GRM7: variants seen among roughly 807,000 people sequenced by gnomAD.
The protein encoded by GRM7 is metabotropic glutamate receptor 7.
A neutral mutation model predicts 84.5 loss-of-function variants in GRM7; 35 were observed. The ratio of observed to expected loss-of-function variants is 0.41; its 90% CI spans 0.32 to 0.55. The LOEUF is 0.55. Among genes scored for constraint, GRM7 ranks in the 20% least tolerant of loss-of-function variants. GRM7 has a pLI of 0.19. For missense variants in GRM7, 1,003 were observed against 1,194.6 expected (o/e 0.84, Z 2.36); for synonymous variants, 487 against 455.1 (o/e 1.07, Z -0.89).
At chr3:6,894,086 T>C (rs1423274443) in intron 1 of GRM7, 1 of 152,176 alleles carries the variant, frequency 6.6e-6, no homozygotes, top group Non-Finnish European at 1.5e-5. Context: ...TCAACCACTA[T>C]ACATTCCATG....
chr3:7,452,294 G>T (rs911392147), intron 5 of GRM7, among the ~76,000 whole-genome samples: 12 of 152,092 alleles, frequency 7.9e-5, no homozygotes, highest in Non-Finnish European at 1.6e-4. Flanking sequence ...AGCTTTTCAG[G>T]TTCGAATGTG....
At chr3:7,472,288 T>C (rs1157034002) in intron 7 of GRM7, among the ~76,000 whole-genome samples, 3 of 152,148 alleles carry the variant, frequency 2.0e-5, no homozygotes, top group African/African-American at 7.2e-5. Context: ...TATTCCTCTA[T>C]AGAAACATAA....
chr3:7,308,260 C>T (rs1320237768), intron 4 of GRM7, among the ~76,000 whole-genome samples: 1 of 80,918 alleles, frequency 1.2e-5, no homozygotes. Context: ...TTTTGGGGGT[C>T]TCAGATGTTA....
chr3:7,561,028 G>T (rs906450997), intron 7 of GRM7, among the ~76,000 whole-genome samples: 5 of 152,000 alleles, frequency 3.3e-5, no homozygotes, highest in Non-Finnish European at 7.4e-5. Context: ...ATAATCTGTT[G>T]CCTGCCTGTG....
rs962816411 is a variant in GRM7, at chr3:7,331,999, C to G, written c.1033+25347C>G. On this transcript the variant is annotated intron_variant, in intron 4 of 9. Transcript: ENST00000357716. ...AGTGTGACTCAGACTGTGATAGGAT[C>G]AGAAGTAATGGTAGGAAACGGTCAA... 2.0e-5 allele frequency among the ~76,000 whole-genome samples: 3 copies of G among 152,022 alleles called. No individual in the cohort carries two copies. In the East Asian group the frequency reaches 5.8e-4, roughly 29 times the overall value.
At chr3:7,369,667 T>C (rs1043534692) in intron 4 of GRM7, among the ~76,000 whole-genome samples, 4 of 152,120 alleles carry the variant, frequency 2.6e-5, no homozygotes, top group Middle Eastern at 3.2e-3. Context: ...AGAAGAGTCA[T>C]TGTCAATTTA....
rs1694762184 is a variant in GRM7, at chr3:7,572,858, ATATATATATATATATATATAT to A, written c.1516-5563_1516-5543del. 2.4e-4 allele frequency among the ~76,000 whole-genome samples: 14 copies of A among 58,824 alleles called. 2 individuals carry two copies. Among genetic ancestry groups the A allele is most frequent in the Admixed American group, 1.7e-3 (10 of 6,048 alleles). 38.6% of individuals were successfully genotyped at this position (58,824 alleles called of 152,430 possible). A position where few individuals can be genotyped will look rare whatever the true frequency, so the allele number is the denominator to read the frequency against. ...TATATATATATATATATATATATAT[ATATATATATATATATATATAT>A]AAATAATCTTTCTACCTATAATAAT... On this transcript the variant is annotated intron_variant, in intron 7 of 9. Coordinates refer to ENST00000357716, the MANE Select transcript of GRM7 (RefSeq NM_000844.4).
intron 5 of GRM7, among the ~76,000 whole-genome samples, chr3:7,417,049 A>G (rs531925622): frequency 1.4e-4 from 22 of 152,206 alleles, no homozygotes; most frequent in African/African-American, 5.3e-4. Context: ...AGGCTGTTTT[A>G]TGTGGAGCCA....
At chr3:7,445,774 A>G (rs989662459) in intron 5 of GRM7, among the ~76,000 whole-genome samples, 1 of 152,208 alleles carries the variant, frequency 6.6e-6, no homozygotes, top group Non-Finnish European at 1.5e-5. Context: ...AGAGAAATGC[A>G]TACCCTTGAG....
intron 1 of GRM7, among the ~76,000 whole-genome samples, chr3:6,985,616 G>A (rs1158527937): frequency 2.0e-5 from 3 of 152,296 alleles, no homozygotes; most frequent in Non-Finnish European, 2.9e-5. Flanking sequence ...ATAGCCCAAC[G>A]TCACATGGCT....
intron 1 of GRM7, among the ~76,000 whole-genome samples, chr3:6,938,052 C>G (rs1390349275): frequency 6.6e-6 from 1 of 152,182 alleles, no homozygotes; most frequent in Non-Finnish European, 1.5e-5. Flanking sequence ...AGCCAGTGCA[C>G]AAGTTAGGTT....
At chr3:7,314,468 T>A (rs996615350) in intron 4 of GRM7, among the ~76,000 whole-genome samples, 2 of 152,198 alleles carry the variant, frequency 1.3e-5, no homozygotes, top group African/African-American at 4.8e-5. Context: ...TGTCAGACAC[T>A]GACTATGGCC....
At chr3:7,702,957 G>A (rs1701276141) in intron 9 of GRM7, among the ~76,000 whole-genome samples, 1 of 152,090 alleles carries the variant, frequency 6.6e-6, no homozygotes, top group Admixed American at 6.6e-5. Context: ...ATGATCACTA[G>A]CTAAAATATG....
chr3:7,054,494 A>T (rs1697143921), intron 1 of GRM7, among the ~76,000 whole-genome samples: 1 of 151,584 alleles, frequency 6.6e-6, no homozygotes, highest in South Asian at 2.1e-4. Flanking sequence ...TACAACGTTA[A>T]ACTGAAATAA....
Position 7,665,291 on chromosome 3 carries a change from C to A in GRM7, c.2452-14758C>A, listed in dbSNP as rs1219845590. Among the ~76,000 whole-genome samples, 3 of 151,706 alleles carry A rather than the reference C, an allele frequency of 2.0e-5. No individual in the cohort carries two copies. The South Asian group carries it at 6.2e-4, about 32-fold the overall frequency. ...GGTTCACGCCATTCTCCTGCCTCAG[C>A]CTCCCGAGTAGCTGGGACTACAGGT... On this transcript the variant is annotated intron_variant, in intron 8 of 9. Coordinates refer to ENST00000357716, the MANE Select transcript of GRM7 (RefSeq NM_000844.4).
At chr3:7,432,030 C>T (rs1294087511) in intron 5 of GRM7, among the ~76,000 whole-genome samples, 1 of 152,090 alleles carries the variant, frequency 6.6e-6, no homozygotes, top group Non-Finnish European at 1.5e-5. Flanking sequence ...CTCCAAAGGG[C>T]CCCGAACAAG....
At chr3:7,138,760 A>T (rs1486847418) in intron 1 of GRM7, among the ~76,000 whole-genome samples, 1 of 151,624 alleles carries the variant, frequency 6.6e-6, no homozygotes, top group Non-Finnish European at 1.5e-5. Context: ...ATATGTTACC[A>T]TATATCTATA....
intron 4 of GRM7, among the ~76,000 whole-genome samples, chr3:7,314,888 A>G (rs1283693926): frequency 6.6e-6 from 1 of 152,160 alleles, no homozygotes; most frequent in African/African-American, 2.4e-5. Context: ...TAGTAGCTCT[A>G]GAAATAGGAT....
intron 1 of GRM7, among the ~76,000 whole-genome samples, chr3:6,904,993 A>C (rs75796636): frequency 0.069 from 10,563 of 152,206 alleles, 465 homozygotes; most frequent in Middle Eastern, 0.13. Flanking sequence ...CGCTGGGATT[A>C]GAGGCACAAG....
Sources: gnomAD v4.1 joint callset for allele counts (sites outside exome capture counted in the v4.1 genomes callset) on GRCh38, gnomAD v4.1.1 for gene constraint, MANE v1.5 for transcripts, NCBI Gene and HGNC (gene_info 2026-07-23, HGNC 2026-07-21) for gene names.